SETBP1: variants seen among roughly 807,000 people sequenced by gnomAD.
SETBP1 encodes SET binding protein 1, also known as SET-binding protein.
Under a neutral mutation model 101.0 loss-of-function variants are expected in SETBP1, and 9 were observed. That is an observed-to-expected ratio of 0.09 (90% CI 0.05 to 0.16). The LOEUF (loss-of-function observed/expected upper bound fraction) is 0.16. Among genes scored for constraint, SETBP1 ranks in the 10% least tolerant of loss-of-function variants. The pLI, the probability that SETBP1 is intolerant of heterozygous loss-of-function variation, is 1.00. For missense variants in SETBP1, 1,858 were observed against 2,033.8 expected (o/e 0.91, Z 1.66); for synonymous variants, 818 against 788.5 (o/e 1.04, Z -0.63).
chr18:44,998,719 G>A (rs2072552918), intron 4 of SETBP1, among the ~76,000 whole-genome samples: 1 of 152,202 alleles, frequency 6.6e-6, no homozygotes, highest in African/African-American at 2.4e-5. Context: ...TGTTGGGGAA[G>A]GTTGGATACG....
chr18:44,692,670 T>C (rs1010050604), intron 1 of SETBP1, among the ~76,000 whole-genome samples: 1 of 152,076 alleles, frequency 6.6e-6, no homozygotes, highest in Non-Finnish European at 1.5e-5. Flanking sequence ...AGACCGTGCG[T>C]GTGTGTGTCT....
At chr18:45,028,301 A>T (rs2073213675) in intron 4 of SETBP1, among the ~76,000 whole-genome samples, 1 of 151,790 alleles carries the variant, frequency 6.6e-6, no homozygotes, top group Non-Finnish European at 1.5e-5. Flanking sequence ...GAGAATGATG[A>T]TTTCCAATTT....
chr18:44,761,297 A>G (rs916908681), intron 2 of SETBP1, among the ~76,000 whole-genome samples: 4 of 152,186 alleles, frequency 2.6e-5, no homozygotes, highest in Non-Finnish European at 5.9e-5. Context: ...TTTTCTAGCT[A>G]TCTTGAACTA....
Position 44,950,473 on chromosome 18 carries a change from A to G in SETBP1, c.1133A>G (p.Gln378Arg), listed in dbSNP as rs765366351. ...GAAGGTTATTCCGCAGATAGTGCCC[A>G]AGAGGCATCACCAGCCAGGCAGAAC... ...KREGYSADSAQEASPARQNVS... is the reference protein window; with the variant it reads ...KREGYSADSAREASPARQNVS... The change falls in exon 4 of 6, where the codon CAA (glutamine) becomes CGA (arginine). Residue 378 changes from glutamine to arginine, a missense_variant. Gln to Arg is a conservative substitution (Grantham distance 43, BLOSUM62 1). This residue lies in a region of SETBP1 where 581 missense variants were observed against 535.1 expected (regional missense o/e 1.09). Transcript: ENST00000649279. The G allele has an allele frequency of 4.1e-5, 66 of 1,614,070 alleles. No individual in the cohort carries two copies. Among genetic ancestry groups the G allele is most frequent in the Non-Finnish European group, 5.4e-5 (64 of 1,180,048 alleles).
chr18:44,936,250 C>T (rs1000514844), intron 3 of SETBP1, among the ~76,000 whole-genome samples: 1 of 150,586 alleles, frequency 6.6e-6, no homozygotes, highest in Admixed American at 6.6e-5. Context: ...CTGGAAAAGA[C>T]AGAGCCGTGG....
chr18:44,979,491 A>T (rs1465001953), intron 4 of SETBP1, among the ~76,000 whole-genome samples: 8 of 152,242 alleles, frequency 5.3e-5, no homozygotes, highest in Non-Finnish European at 1.2e-4. Flanking sequence ...ATTATCCTCC[A>T]TAAGTTCAAA....
At chr18:44,730,513 T>G (rs1429417031) in intron 2 of SETBP1, among the ~76,000 whole-genome samples, 1 of 152,242 alleles carries the variant, frequency 6.6e-6, no homozygotes, top group Non-Finnish European at 1.5e-5. Context: ...ACCCTGGACT[T>G]TTTCCAGCCT....
intron 1 of SETBP1, among the ~76,000 whole-genome samples, chr18:44,697,933 G>T (rs1568095283): frequency 6.6e-6 from 1 of 152,200 alleles, no homozygotes; most frequent in Admixed American, 6.5e-5. Flanking sequence ...GGCATTGCAA[G>T]GATGAGAGGA....
At chr18:44,795,973 C>T (rs1202034130) in intron 2 of SETBP1, among the ~76,000 whole-genome samples, 1 of 152,188 alleles carries the variant, frequency 6.6e-6, no homozygotes, top group Admixed American at 6.5e-5. Context: ...GATGCTAGTT[C>T]TTCTCCTTTT....
chr18:45,038,719 A>C, intron 5 of SETBP1, 64 bp downstream of exon 5: 1 of 1,560,244 alleles, frequency 6.4e-7, no homozygotes, highest in South Asian at 1.1e-5. Flanking sequence ...AAGCCCACTG[A>C]GAATGGCCTG....
intron 3 of SETBP1, chr18:44,869,576 G>T: frequency 2.4e-6 from 1 of 419,890 alleles, no homozygotes; most frequent in East Asian, 5.1e-5. Flanking sequence ...CTTAGGAAAG[G>T]GTTAAACCAA....
At chr18:44,845,673 C>G (rs1193540138) in intron 2 of SETBP1, among the ~76,000 whole-genome samples, 1 of 152,196 alleles carries the variant, frequency 6.6e-6, no homozygotes, top group Admixed American at 6.5e-5. Context: ...GGCCTTTCCC[C>G]ATGGGCAGCT....
At chr18:44,839,984 A>G (rs185572719) in intron 2 of SETBP1, among the ~76,000 whole-genome samples, 29 of 152,300 alleles carry the variant, frequency 1.9e-4, no homozygotes, top group African/African-American at 7.0e-4. Context: ...TCTGAGAACA[A>G]GTTGTCTTCT....
intron 2 of SETBP1, among the ~76,000 whole-genome samples, chr18:44,783,080 C>T (rs1257996904): frequency 6.6e-6 from 1 of 152,168 alleles, no homozygotes; most frequent in Non-Finnish European, 1.5e-5. Context: ...TTTATTTTCT[C>T]CCATATAAAT....
chr18:44,809,724 G>A (rs1173925689), intron 2 of SETBP1, among the ~76,000 whole-genome samples: 1 of 152,160 alleles, frequency 6.6e-6, no homozygotes. Context: ...GGTGAAAGGA[G>A]CAGAGAAAAC....
intron 5 of SETBP1, among the ~76,000 whole-genome samples, chr18:45,055,738 C>T (rs767201571): frequency 1.3e-5 from 2 of 152,172 alleles, no homozygotes; most frequent in Non-Finnish European, 2.9e-5. Context: ...ATCAGTTAAA[C>T]AAGATTTTTG....
chr18:44,834,866 G>A (rs1599194236), intron 2 of SETBP1, among the ~76,000 whole-genome samples: 1 of 152,174 alleles, frequency 6.6e-6, no homozygotes, highest in South Asian at 2.1e-4. Context: ...ATCAAAAGGA[G>A]GGAGAGGGGA....
At chr18:44,711,723 T>G (rs1357671413) in intron 2 of SETBP1, among the ~76,000 whole-genome samples, 3 of 150,014 alleles carry the variant, frequency 2.0e-5, no homozygotes, top group African/African-American at 7.4e-5. Flanking sequence ...TTTTTTTTTT[T>G]GGTAGAGATA....
chr18:44,836,528 C>T (rs1233226567), intron 2 of SETBP1, among the ~76,000 whole-genome samples: 1 of 152,212 alleles, frequency 6.6e-6, no homozygotes, highest in Non-Finnish European at 1.5e-5. Flanking sequence ...CCACTCTTTC[C>T]TTAGGATTCT....
Sources: allele counts gnomAD v4.1 joint callset (sites outside exome capture counted in the v4.1 genomes callset), GRCh38; gene constraint gnomAD v4.1.1; regional missense constraint gnomAD v4.1.1; transcripts MANE v1.5; gene names NCBI Gene and HGNC (gene_info 2026-07-23, HGNC 2026-07-21).